The following SLC26A11 variants were observed in gnomAD, a reference collection of about 807,000 sequenced individuals.
SLC26A11 encodes the protein sodium-independent sulfate anion transporter.
SLC26A11 carries 58 observed loss-of-function variants against 62.2 expected under a neutral mutation model. The observed-to-expected ratio is 0.93, with a 90% CI of 0.76 to 1.16. The LOEUF (loss-of-function observed/expected upper bound fraction) is 1.16, where lower values mean the gene tolerates loss of function less well. Ranked by LOEUF, SLC26A11 falls within the 50% of genes most tolerant of loss-of-function variation. The pLI, the probability that SLC26A11 is intolerant of heterozygous loss-of-function variation, is 0.00. For synonymous variants in SLC26A11, 411 were observed against 368.9 expected (o/e 1.11, Z -1.31); for missense variants, 790 against 794.3 (o/e 0.99, Z 0.06).
rs1047723304 is a variant in SLC26A11 at position 80,252,941 on chromosome 17, C to T, written c.*225C>T. On this transcript the variant is annotated 3_prime_UTR_variant, in exon 18 of 18. Coordinates refer to ENST00000361193, the MANE Select transcript of SLC26A11 (RefSeq NM_001166347.2). The surrounding 1 kb of genome is among the most constrained non-coding windows in gnomAD (Gnocchi z 5.2). Reference sequence around the variant, plus strand: ...CTGGAAAATGACCTCGCTGCTGTTCCCTGGCATGACCCTCTTTGGAAGAGT... The same window carrying T: ...CTGGAAAATGACCTCGCTGCTGTTCTCTGGCATGACCCTCTTTGGAAGAGT... 5 of 474,176 alleles carry T rather than the reference C, an allele frequency of 1.1e-5. No homozygotes were observed. The highest frequency in any genetic ancestry group is 1.5e-5 in the Non-Finnish European group (4 of 261,698). The allele number at this position is 474,176 out of a possible 1,614,324, so 29.4% of individuals were successfully genotyped here.
chr17:80,252,725 C>T lies in SLC26A11; in HGVS notation c.*9C>T. 1 of 1,611,520 alleles carries T rather than the reference C, an allele frequency of 6.2e-7. No homozygotes were observed. The highest frequency in any genetic ancestry group is 1.3e-5 in the African/African-American group (1 of 74,980). On this transcript the variant is annotated 3_prime_UTR_variant, in exon 18 of 18. Transcript: ENST00000361193. This position sits in a 1 kb window ranked among gnomAD's most constrained non-coding sequence, Gnocchi z 5.2. ...CCCTGCTCAAGGCATAATGGGGCCA[C>T]CCGTGGGCATCCACAGTTTGCAGGG...
chr17:80,245,279 C>T, intron 11 of SLC26A11, 23 bp downstream of exon 11: 2 of 1,613,052 alleles, frequency 1.2e-6, no homozygotes, highest in Non-Finnish European at 1.7e-6. Context: ...TCCGCCTCTT[C>T]TGTTTGCCCA....
At chr17:80,224,458 AGT>A (rs916022211) in intron 5 of SLC26A11, among the ~76,000 whole-genome samples, 12 of 144,644 alleles carry the variant, frequency 8.3e-5, no homozygotes, top group East Asian at 4.2e-4. Flanking sequence ...TGAGTGTGAG[AGT>A]GTGAGTGTGT....
intron 6 of SLC26A11, 29 bp downstream of exon 6, chr17:80,225,945 T>C: frequency 6.3e-7 from 1 of 1,593,198 alleles, no homozygotes; most frequent in Non-Finnish European, 8.6e-7. Flanking sequence ...CTCCCTCCTA[T>C]AAGGAAGCTC....
intron 16 of SLC26A11, among the ~76,000 whole-genome samples, chr17:80,250,218 C>T (rs1186284958): frequency 2.0e-5 from 3 of 152,164 alleles, no homozygotes; most frequent in African/African-American, 7.2e-5. Flanking sequence ...TGTCCCCAGG[C>T]GCCCAGAGGA....
At chr17:80,249,947 A>G (rs1190924669) in intron 16 of SLC26A11, among the ~76,000 whole-genome samples, 2 of 152,154 alleles carry the variant, frequency 1.3e-5, no homozygotes, top group African/African-American at 4.8e-5. Context: ...ATAGAATTTC[A>G]TGAAAAACGT....
Position 80,228,000 on chromosome 17 carries a change from G to A in SLC26A11, c.736+40G>A, listed in dbSNP as rs115784153. Reference sequence around the variant, plus strand: ...GCTGACATCTTATGCAACCTTGGCTGCAGGTTGGGGTCACTTGGGGAGTCC... The same window carrying A: ...GCTGACATCTTATGCAACCTTGGCTACAGGTTGGGGTCACTTGGGGAGTCC... On this transcript the variant is annotated intron_variant, in intron 7 of 17. Transcript: ENST00000361193. The A allele has an allele frequency of 1.3e-3, 2,010 of 1,578,940 alleles. 20 individuals are homozygous for A. The African/African-American group carries it at 0.023, about 18-fold the overall frequency.
Position 80,222,548 on chromosome 17 carries a change from GC to G in SLC26A11, c.235-105del. ...GCAGGGCGGTGCACCTTTAACCTGG[GC>G]CTGGACACAGCTGACACCCACACAT... On this transcript the variant is annotated intron_variant, in intron 3 of 17. Transcript: ENST00000361193. This position sits in a 1 kb window ranked among gnomAD's most constrained non-coding sequence, Gnocchi z 4.7. 8.3e-7 allele frequency: 1 copy of G among 1,209,502 alleles called. No homozygotes were observed. Among genetic ancestry groups the G allele is most frequent in the Non-Finnish European group, 1.2e-6 (1 of 843,302 alleles). The allele number at this position is 1,209,502 out of a possible 1,614,324, so 74.9% of individuals were successfully genotyped here. A position where few individuals can be genotyped will look rare whatever the true frequency, so the allele number is the denominator to read the frequency against.
At chr17:80,221,857 TC>T in intron 3 of SLC26A11, 63 bp downstream of exon 3, 1 of 1,468,466 alleles carries the variant, frequency 6.8e-7, no homozygotes, top group Admixed American at 2.0e-5. Flanking sequence ...ACAGTATCAA[TC>T]CCAGACACCA....
intron 13 of SLC26A11, among the ~76,000 whole-genome samples, chr17:80,247,141 G>C (rs2043023422): frequency 6.6e-6 from 1 of 151,844 alleles, no homozygotes; most frequent in Admixed American, 6.6e-5. Flanking sequence ...CAGGGTCATA[G>C]GACAATATGG....
At chr17:80,238,785 C>G (rs1456353970) in intron 9 of SLC26A11, among the ~76,000 whole-genome samples, 1 of 150,134 alleles carries the variant, frequency 6.7e-6, no homozygotes, top group Non-Finnish European at 1.5e-5. Flanking sequence ...AGTCCCAGTG[C>G]TCTAACCCTT....
At position 80,225,884 on chromosome 17, in the gene SLC26A11, G is replaced by T. The variant is rs138039526; in HGVS notation, c.561G>T (p.Val187=). Residue 187 remains valine, a synonymous_variant, in exon 6 of 18, where the codon GTG becomes GTT. Transcript: ENST00000361193. The stretch of plus-strand genomic sequence containing the variant: ...TCCCCAGGCCGTTCTTCCTGCAGGT[G>T]TACCACACCTTCCTCAGGATTGCAG... ...QNIPRPFFLQ[V]YHTFLRIAET... is the part of the protein sequence containing the mutation. 1 of 1,613,906 alleles carries T rather than the reference G, an allele frequency of 6.2e-7. No individual in the cohort carries two copies. Among genetic ancestry groups the T allele is most frequent in the African/African-American group, 1.3e-5 (1 of 74,896 alleles).
chr17:80,242,634 T>C (rs776510090), intron 10 of SLC26A11, among the ~76,000 whole-genome samples: 26 of 152,226 alleles, frequency 1.7e-4, no homozygotes, highest in Non-Finnish European at 3.5e-4. Context: ...CATGCCCGCT[T>C]TCACGGTTTA....
At chr17:80,224,587 C>T (rs979934689) in intron 5 of SLC26A11, among the ~76,000 whole-genome samples, 32 of 152,104 alleles carry the variant, frequency 2.1e-4, no homozygotes, top group Non-Finnish European at 1.8e-4. Context: ...TCATTATTTC[C>T]ATTTGAGAGA....
At chr17:80,248,719 C>T in intron 15 of SLC26A11, 45 bp downstream of exon 15, 1 of 1,518,434 alleles carries the variant, frequency 6.6e-7, no homozygotes, top group African/African-American at 1.4e-5. Context: ...CTCCCCTGTC[C>T]TCTGCCCCCC....
At chr17:80,236,060 C>T (rs1296695420) in intron 7 of SLC26A11, among the ~76,000 whole-genome samples, 3 of 152,204 alleles carry the variant, frequency 2.0e-5, no homozygotes, top group Middle Eastern at 3.2e-3. Context: ...CATTTGCCAA[C>T]CCCAGGCCTT....
In SLC26A11 at chr17:80,242,834, G is replaced by A. The variant is rs577800965; in HGVS notation, c.1036+1013G>A. On this transcript the variant is annotated intron_variant, in intron 10 of 17. Coordinates refer to ENST00000361193, the MANE Select transcript of SLC26A11 (RefSeq NM_001166347.2). Reference sequence around the variant, plus strand: ...TCCGATTCTCCTGCCTCAGCCTCCCGAGTAGCTGAGACTACAGGCGTGTGC... The same window carrying A: ...TCCGATTCTCCTGCCTCAGCCTCCCAAGTAGCTGAGACTACAGGCGTGTGC... Among the ~76,000 whole-genome samples, 38 of 152,186 alleles carry A rather than the reference G, an allele frequency of 2.5e-4. 1 individual carries two copies. Among genetic ancestry groups the A allele is most frequent in the African/African-American group, 8.4e-4 (35 of 41,512 alleles).
rs201904994 is a variant in SLC26A11 at position 80,222,890 on chromosome 17, G to C, written c.427+43G>C. 1 of 1,586,378 alleles carries C rather than the reference G, an allele frequency of 6.3e-7. No individual in the cohort carries two copies. Among genetic ancestry groups the C allele is most frequent in the Non-Finnish European group, 8.6e-7 (1 of 1,164,008 alleles). ...TGCCAAGGGGATGCCCTCGACCTCA[G>C]CATTTGCTTGTTTGCATTTCAAGTC... On this transcript the variant is annotated intron_variant, in intron 4 of 17. Transcript: ENST00000361193. The surrounding 1 kb of genome is among the most constrained non-coding windows in gnomAD (Gnocchi z 4.7).
intron 10 of SLC26A11, 93 bp from the exon 11 acceptor site, chr17:80,245,103 C>A: frequency 8.5e-7 from 1 of 1,174,490 alleles, no homozygotes; most frequent in South Asian, 1.3e-5. Context: ...GCCTTCCTGC[C>A]TCCCTTCTGG....
Sources: gnomAD v4.1 joint callset for allele counts (sites outside exome capture counted in the v4.1 genomes callset) on GRCh38, gnomAD v4.1.1 for gene constraint, Gnocchi (gnomAD v3.1) non-coding constraint, MANE v1.5 for transcripts, NCBI Gene and HGNC (gene_info 2026-07-23, HGNC 2026-07-21) for gene names.